The following XYLT1 variants were observed in gnomAD, a reference collection of about 807,000 sequenced individuals.
The protein encoded by XYLT1 is beta-D-xylosyltransferase 1.
Under a neutral mutation model 91.3 loss-of-function variants are expected in XYLT1, and 36 were observed. That is an observed-to-expected ratio of 0.39 (90% CI 0.30 to 0.52). The LOEUF is 0.52. XYLT1 is among the 20% of genes least tolerant of loss of function. The pLI is 0.68. For synonymous variants in XYLT1, 588 were observed against 532.0 expected, an observed-to-expected ratio of 1.11 and a Z score of -1.45; for missense variants, 1,242 against 1,284.5, an observed-to-expected ratio of 0.97 and a Z score of 0.51.
intron 6 of XYLT1, among the ~76,000 whole-genome samples, chr16:17,142,816 A>G (rs1458464365): frequency 6.6e-6 from 1 of 152,152 alleles, no homozygotes; most frequent in Non-Finnish European, 1.5e-5. Context: ...ATAATGTGAC[A>G]GGAAAATAGA....
At chr16:17,303,065 A>T (rs558633898) in intron 2 of XYLT1, among the ~76,000 whole-genome samples, 1 of 150,986 alleles carries the variant, frequency 6.6e-6, no homozygotes, top group East Asian at 1.9e-4. Context: ...ATGGATCTTG[A>T]AAGACAGACC....
At chr16:17,431,166 G>A (rs1427719342) in intron 1 of XYLT1, among the ~76,000 whole-genome samples, 3 of 152,098 alleles carry the variant, frequency 2.0e-5, no homozygotes, top group African/African-American at 7.2e-5. Context: ...ACACATACAC[G>A]AGTGGGCGTG....
intron 5 of XYLT1, among the ~76,000 whole-genome samples, chr16:17,177,381 T>A (rs989208161): frequency 1.3e-5 from 2 of 152,176 alleles, no homozygotes; most frequent in Non-Finnish European, 2.9e-5. Flanking sequence ...AGGGGTGATA[T>A]GCATGTCTGT....
chr16:17,132,501 A>G (rs911341307), intron 9 of XYLT1, among the ~76,000 whole-genome samples: 13 of 149,542 alleles, frequency 8.7e-5, no homozygotes, highest in African/African-American at 2.5e-4. Context: ...GGCAACTAAG[A>G]TACCAGCAAT....
intron 1 of XYLT1, among the ~76,000 whole-genome samples, chr16:17,391,483 AT>A (rs1424999518): frequency 6.6e-6 from 1 of 152,220 alleles, no homozygotes; most frequent in Non-Finnish European, 1.5e-5. Context: ...TTCTGCATGA[AT>A]TAAACTCTCT....
At chr16:17,281,172 C>T (rs1378147916) in intron 2 of XYLT1, among the ~76,000 whole-genome samples, 1 of 152,164 alleles carries the variant, frequency 6.6e-6, no homozygotes, top group Non-Finnish European at 1.5e-5. Flanking sequence ...CCTGCAGCAT[C>T]CAGGGGAGCG....
At chr16:17,162,746 T>C (rs993096029) in intron 5 of XYLT1, among the ~76,000 whole-genome samples, 7 of 152,344 alleles carry the variant, frequency 4.6e-5, no homozygotes, top group African/African-American at 1.2e-4. Flanking sequence ...TCACCCAATA[T>C]CTATTGAGCA....
chr16:17,118,177 C>A (rs1206033066), intron 10 of XYLT1, among the ~76,000 whole-genome samples, 198 bp from the exon 11 acceptor site: 1 of 152,188 alleles, frequency 6.6e-6, no homozygotes, highest in Admixed American at 6.5e-5. Flanking sequence ...TCTGAAGGAT[C>A]AAAAGGCCTG....
At chr16:17,250,792 G>A (rs2033526466) in intron 3 of XYLT1, 1 of 152,318 alleles carries the variant, frequency 6.6e-6, no homozygotes, top group Non-Finnish European at 1.5e-5. Context: ...GCCGCCTTGG[G>A]AAAGCCCGTC....
chr16:17,260,902 C>T (rs1479478293), intron 2 of XYLT1, among the ~76,000 whole-genome samples: 5 of 152,160 alleles, frequency 3.3e-5, no homozygotes, highest in African/African-American at 9.7e-5. Flanking sequence ...CTTCTGTCCT[C>T]ACCATCCATA....
intron 6 of XYLT1, among the ~76,000 whole-genome samples, chr16:17,144,278 T>G (rs2031073027): frequency 6.6e-6 from 1 of 152,192 alleles, no homozygotes; most frequent in South Asian, 2.1e-4. Flanking sequence ...GGCAAATACA[T>G]GTCCAGCACC....
chr16:17,185,345 G>A lies in XYLT1; in HGVS notation c.1289+12867C>T, dbSNP rs189172795. ...CCAGTCTCCTTGTGAACAACAGTCC[G>A]AGCAGATACACCCTTTCAAACTCAC... On this transcript the variant is annotated intron_variant, in intron 5 of 11. Transcript: ENST00000261381. 4.6e-4 allele frequency among the ~76,000 whole-genome samples: 70 copies of A among 152,356 alleles called. 2 individuals are homozygous for A. The East Asian group carries it at 0.011, about 24-fold the overall frequency.
chr16:17,319,581 T>C (rs2034686403), intron 2 of XYLT1, among the ~76,000 whole-genome samples: 1 of 152,112 alleles, frequency 6.6e-6, no homozygotes, highest in African/African-American at 2.4e-5. Flanking sequence ...TAGGTAGGAT[T>C]ACAGGCAAGC....
intron 2 of XYLT1, among the ~76,000 whole-genome samples, chr16:17,287,766 AAGAC>A (rs1330095991): frequency 2.6e-5 from 4 of 152,162 alleles, no homozygotes; most frequent in African/African-American, 7.2e-5. Context: ...AGGCAAAAGA[AAGAC>A]AGACAGACAG....
chr16:17,292,079 C>CAT (rs1419345768), intron 2 of XYLT1, among the ~76,000 whole-genome samples: 2 of 107,876 alleles, frequency 1.9e-5, no homozygotes, highest in African/African-American at 8.2e-5. Flanking sequence ...CCCACTAAAC[C>CAT]ATACACACAC....
intron 5 of XYLT1, among the ~76,000 whole-genome samples, chr16:17,197,321 T>C (rs2032449602): frequency 6.6e-6 from 1 of 152,102 alleles, no homozygotes. Context: ...CTTCTGTTCT[T>C]ATCCGTGAAA....
intron 5 of XYLT1, among the ~76,000 whole-genome samples, chr16:17,167,482 G>GTGAATGGA (rs2031719016): frequency 3.3e-4 from 32 of 95,854 alleles, no homozygotes; most frequent in African/African-American, 7.5e-4. Context: ...TCGTGAATGG[G>GTGAATGGA]TTCTAACCCA....
chr16:17,354,898 T>C (rs1276027313), intron 2 of XYLT1: 3 of 152,248 alleles, frequency 2.0e-5, no homozygotes, highest in Non-Finnish European at 4.4e-5. Context: ...GGCCACGGGC[T>C]TGTGCCAACA....
At chr16:17,408,657 C>T (rs1477731064) in intron 1 of XYLT1, among the ~76,000 whole-genome samples, 1 of 152,174 alleles carries the variant, frequency 6.6e-6, no homozygotes, top group Non-Finnish European at 1.5e-5. Flanking sequence ...ACCAGCCTGA[C>T]CAACATGGAG....
Sources: allele counts gnomAD v4.1 joint callset (sites outside exome capture counted in the v4.1 genomes callset), GRCh38; gene constraint gnomAD v4.1.1; transcripts MANE v1.5; gene names NCBI Gene and HGNC (gene_info 2026-07-23, HGNC 2026-07-21).